The following ADAMTSL3 variants were observed in gnomAD, a reference collection of about 807,000 sequenced individuals.
ADAMTSL3 encodes ADAMTS like 3.
In ADAMTSL3, 128 loss-of-function variants were observed where a neutral mutation model predicts 201.7. The observed-to-expected ratio is 0.63, with a 90% confidence interval of 0.55 to 0.73. The LOEUF is 0.73. Ranked by LOEUF, ADAMTSL3 falls within the 30% of genes least tolerant of loss-of-function variation. The pLI is 0.00. For missense variants in ADAMTSL3, 1,990 were observed against 2,119.6 expected (o/e 0.94, Z 1.20); for synonymous variants, 738 against 748.4 (o/e 0.99, Z 0.23).
Position 83,943,000 on chromosome 15 carries a change from G to T in ADAMTSL3, c.2408G>T (p.Cys803Phe). Residue 803 changes from cysteine to phenylalanine, a missense_variant, in exon 19 of 30, where the codon TGC becomes TTC. Transcript: ENST00000286744. Reference sequence around the variant, plus strand: ...TTTTTGAATCTCTCAGATGAATTGTGCCAAGGACCCAAGGCATCGTCTCAC... The same window carrying T: ...TTTTTGAATCTCTCAGATGAATTGTTCCAAGGACCCAAGGCATCGTCTCAC... ...GSFLNLSDEL[C>F]QGPKASSHKS... 2 of 1,614,102 alleles carry T rather than the reference G, an allele frequency of 1.2e-6. No homozygotes were observed. The highest frequency in any genetic ancestry group is 1.7e-6 in the Non-Finnish European group (2 of 1,179,968).
chr15:84,007,145 TG>T (rs1435645969), intron 23 of ADAMTSL3, among the ~76,000 whole-genome samples: 3 of 152,248 alleles, frequency 2.0e-5, no homozygotes. Context: ...CATTTTCTTT[TG>T]GAATGTAACT....
At chr15:83,677,697 A>T (rs58620502) in intron 2 of ADAMTSL3, among the ~76,000 whole-genome samples, 10,689 of 152,048 alleles carry the variant, frequency 0.07, 595 homozygotes, top group East Asian at 0.18. Context: ...TGGTTGAGTC[A>T]TGTTTTTAAA....
intron 7 of ADAMTSL3, among the ~76,000 whole-genome samples, chr15:83,840,976 T>G (rs1226486795): frequency 2.0e-5 from 3 of 152,216 alleles, no homozygotes; most frequent in African/African-American, 7.2e-5. Context: ...TATTGGACAT[T>G]GAGATGTTAC....
chr15:83,716,625 T>TGTTGTG (rs891596062), intron 3 of ADAMTSL3, among the ~76,000 whole-genome samples: 4 of 150,352 alleles, frequency 2.7e-5, no homozygotes, highest in Admixed American at 1.3e-4. Context: ...TGTGTGTGTG[T>TGTTGTG]TGTGTGTGTG....
At chr15:84,004,270 T>C (rs1343248378) in intron 23 of ADAMTSL3, among the ~76,000 whole-genome samples, 1 of 152,198 alleles carries the variant, frequency 6.6e-6, no homozygotes, top group Non-Finnish European at 1.5e-5. Flanking sequence ...TCCCCAGCCC[T>C]GCCCTGAGAG....
At chr15:83,994,482 A>G (rs2067640723) in intron 23 of ADAMTSL3, among the ~76,000 whole-genome samples, 1 of 152,134 alleles carries the variant, frequency 6.6e-6, no homozygotes, top group African/African-American at 2.4e-5. Flanking sequence ...CAGGAATGCA[A>G]ATTTTTTAAC....
chr15:83,927,817 T>C (rs2066277302), intron 17 of ADAMTSL3, among the ~76,000 whole-genome samples: 1 of 152,176 alleles, frequency 6.6e-6, no homozygotes, highest in Non-Finnish European at 1.5e-5. Context: ...CCACATATTA[T>C]GCTACTAGTA....
At chr15:83,715,321 A>C (rs893272358) in intron 3 of ADAMTSL3, among the ~76,000 whole-genome samples, 1 of 152,200 alleles carries the variant, frequency 6.6e-6, no homozygotes, top group East Asian at 1.9e-4. Flanking sequence ...GCACACATGC[A>C]TGATTATTTT....
intron 12 of ADAMTSL3, 130 bp downstream of exon 12, chr15:83,891,509 C>T (rs1228989367): frequency 2.8e-6 from 2 of 710,888 alleles, no homozygotes; most frequent in Admixed American, 5.3e-5. Flanking sequence ...GGAAAACAGA[C>T]TTCTACTCAA....
chr15:83,795,382 G>A (rs2063409375), intron 4 of ADAMTSL3, among the ~76,000 whole-genome samples: 1 of 152,152 alleles, frequency 6.6e-6, no homozygotes, highest in Admixed American at 6.5e-5. Flanking sequence ...GTGCATAACT[G>A]ATTCTGTGCC....
intron 11 of ADAMTSL3, 84 bp downstream of exon 11, chr15:83,890,331 T>C (rs2065479092): frequency 1.3e-6 from 2 of 1,503,542 alleles, no homozygotes; most frequent in Non-Finnish European, 1.8e-6. Flanking sequence ...TGCAGGGCAA[T>C]ACATTTCCAT....
chr15:83,714,793 C>CTTTCTTTCTTTTTCTT (rs1315219559), intron 3 of ADAMTSL3, among the ~76,000 whole-genome samples: 1 of 57,798 alleles, frequency 1.7e-5, no homozygotes, highest in Admixed American at 2.2e-4. Context: ...CTTTTTCTTT[C>CTTTCTTTCTTTTTCTT]TCTCTCTTTC....
chr15:83,899,933 A>T (rs1293191883), intron 15 of ADAMTSL3, among the ~76,000 whole-genome samples: 1 of 152,202 alleles, frequency 6.6e-6, no homozygotes, highest in South Asian at 2.1e-4. Context: ...TCTGAGCAGC[A>T]CAGAAAAGAA....
At chr15:83,918,561 T>C (rs931073024) in intron 16 of ADAMTSL3, among the ~76,000 whole-genome samples, 2 of 152,024 alleles carry the variant, frequency 1.3e-5, no homozygotes, top group Non-Finnish European at 2.9e-5. Flanking sequence ...AAAGAGCATA[T>C]GCAAAGGCCA....
chr15:83,797,328 T>C (rs1299490048), intron 4 of ADAMTSL3, among the ~76,000 whole-genome samples: 3 of 152,084 alleles, frequency 2.0e-5, no homozygotes, highest in African/African-American at 7.2e-5. Flanking sequence ...GCATATGAAA[T>C]GAGGCTGGGT....
At chr15:83,674,975 A>G (rs1488899328) in intron 2 of ADAMTSL3, among the ~76,000 whole-genome samples, 1 of 151,732 alleles carries the variant, frequency 6.6e-6, no homozygotes, top group Non-Finnish European at 1.5e-5. Flanking sequence ...TTGGATTTAT[A>G]ATTACATATT....
chr15:83,864,126 C>T (rs896026275), intron 8 of ADAMTSL3, among the ~76,000 whole-genome samples: 1 of 152,020 alleles, frequency 6.6e-6, no homozygotes, highest in Non-Finnish European at 1.5e-5. Flanking sequence ...AATTAATAGC[C>T]TACCAACCAA....
chr15:83,884,284 A>T (rs990832640), intron 9 of ADAMTSL3, among the ~76,000 whole-genome samples: 2 of 151,370 alleles, frequency 1.3e-5, no homozygotes, highest in African/African-American at 4.9e-5. Flanking sequence ...TATATTGTGG[A>T]ATGGCTAGAT....
At chr15:83,919,844 G>T (rs891755756) in intron 16 of ADAMTSL3, among the ~76,000 whole-genome samples, 2 of 152,138 alleles carry the variant, frequency 1.3e-5, no homozygotes, top group African/African-American at 4.8e-5. Context: ...TAAATCATTG[G>T]AAGGGCAGCT....
Sources: allele counts gnomAD v4.1 joint callset (sites outside exome capture counted in the v4.1 genomes callset), GRCh38; gene constraint gnomAD v4.1.1; transcripts MANE v1.5; gene names NCBI Gene and HGNC (gene_info 2026-07-23, HGNC 2026-07-21).